Variants in SHH observed in about 807,000 individuals in gnomAD.
The protein encoded by SHH is sonic hedgehog protein.
A neutral mutation model predicts 16.6 loss-of-function variants in SHH; 3 were observed. The observed-to-expected ratio is 0.18, with a 90% CI of 0.08 to 0.47. SHH has a LOEUF of 0.47. Among genes scored for constraint, SHH ranks in the 20% least tolerant of loss-of-function variants. The pLI, the probability that SHH is intolerant of heterozygous loss-of-function variation, is 0.98. For missense variants in SHH, 499 were observed against 665.0 expected (o/e 0.75, Z 2.75); for synonymous variants, 351 against 316.2 (o/e 1.11, Z -1.17).
intron 2 of SHH, among the ~76,000 whole-genome samples, chr7:155,805,213 C>G (rs1803323084): frequency 6.6e-6 from 1 of 152,078 alleles, no homozygotes; most frequent in East Asian, 1.9e-4. Flanking sequence ...GCAGGGGGCG[C>G]CCTGGGCCCA....
In SHH at chr7:155,806,464, C is replaced by T. The variant is rs1167607952; in HGVS notation, c.394G>A (p.Gly132Ser). The change falls in exon 2 of 3, where the codon GGC becomes AGC. Residue 132 changes from glycine (G) to serine (S), a missense_variant. Physicochemically the swap from Gly to Ser is moderately conservative, Grantham distance 56. Around this residue, in one of 4 missense-constraint regions of SHH, gnomAD observed 11 missense variants for 48.5 expected, o/e 0.23. Transcript: ENST00000297261. ...LRVTEGWDEDGHHSEESLHYE... is the reference protein window; with the variant it reads ...LRVTEGWDEDSHHSEESLHYE... ...TGCAGAGACTCCTCTGAGTGGTGGCCATCTTCGTCCCAGCCCTCGGTCACC... is the reference window on the plus strand; with the variant it reads ...TGCAGAGACTCCTCTGAGTGGTGGCTATCTTCGTCCCAGCCCTCGGTCACC... The T allele has an allele frequency of 1.2e-6, 2 of 1,613,728 alleles. No individual in the cohort carries two copies. The highest frequency in any genetic ancestry group is 1.3e-5 in the African/African-American group (1 of 74,938).
rs1803464750 is a variant in SHH, at chr7:155,809,886, G to A, written c.300+1937C>T. On this transcript the variant is annotated intron_variant, in intron 1 of 2. Transcript: ENST00000297261. This position sits in a 1 kb window ranked among gnomAD's most constrained non-coding sequence, Gnocchi z 6.1. ...CCGGCTGGGACGCGGAGGCCTAGAG[G>A]CCAGGCAGGCGGCGGACTGGGGATG... Among the ~76,000 whole-genome samples the A allele has an allele frequency of 6.6e-6, 1 of 151,508 alleles. No individual in the cohort carries two copies. Among genetic ancestry groups the A allele is most frequent in the Non-Finnish European group, 1.5e-5 (1 of 67,804 alleles).
chr7:155,805,708 G>A (rs1803340312), intron 2 of SHH, among the ~76,000 whole-genome samples: 1 of 152,120 alleles, frequency 6.6e-6, no homozygotes, highest in Non-Finnish European at 1.5e-5. Flanking sequence ...GGGCGTCCCG[G>A]CCCGGCTCCC....
intron 2 of SHH, among the ~76,000 whole-genome samples, chr7:155,805,066 T>C (rs1188566859): frequency 1.3e-5 from 2 of 151,716 alleles, no homozygotes; most frequent in South Asian, 2.1e-4. Flanking sequence ...AGAATGCCAA[T>C]GAGCGGCTCC....
At chr7:155,804,720 T>C (rs958227327) in intron 2 of SHH, among the ~76,000 whole-genome samples, 25 of 152,022 alleles carry the variant, frequency 1.6e-4, no homozygotes, top group East Asian at 5.8e-4. Flanking sequence ...TCGAGCCCTC[T>C]GTCGCTCTCT....
Position 155,803,756 on chromosome 7 carries a change from G to A in SHH, c.563-30C>T, listed in dbSNP as rs760806628. ...GGGTGAGGAGAAGGGAAAGAAGAGA[G>A]GACAGGGCATTGAGTTCCGAGAGGG... On this transcript the variant is annotated intron_variant, in intron 2 of 2. Coordinates refer to ENST00000297261, the MANE Select transcript of SHH (RefSeq NM_000193.4). 3.8e-6 allele frequency: 6 copies of A among 1,566,844 alleles called. No individual in the cohort carries two copies. In the South Asian group the frequency reaches 5.5e-5, roughly 14 times the overall value.
At chr7:155,805,372 A>C (rs2117134401) in intron 2 of SHH, among the ~76,000 whole-genome samples, 1 of 152,198 alleles carries the variant, frequency 6.6e-6, no homozygotes. Context: ...CTTTACCTAC[A>C]AGTGTGCCTT....
intron 1 of SHH, among the ~76,000 whole-genome samples, chr7:155,810,150 C>G (rs532979193): frequency 6.6e-6 from 1 of 152,332 alleles, no homozygotes; most frequent in South Asian, 2.1e-4. Context: ...AGTGGGGCTG[C>G]AGGCGTCTGC....
At chr7:155,806,663 G>A (rs760649564) in intron 1 of SHH, 106 bp from the exon 2 acceptor site, 3 of 1,411,240 alleles carry the variant, frequency 2.1e-6, no homozygotes, top group African/African-American at 1.4e-5. Flanking sequence ...AGGCGCGAGG[G>A]CCATGCGGAG....
chr7:155,803,165 C>A lies in SHH; in HGVS notation c.1124G>T (p.Arg375Leu). 1 of 1,448,182 alleles carries A rather than the reference C, an allele frequency of 6.9e-7. No homozygotes were observed. The allele number at this position is 1,448,182 out of a possible 1,614,324, so 89.7% of individuals were successfully genotyped here. A position where few individuals can be genotyped will look rare whatever the true frequency, so the allele number is the denominator to read the frequency against. ...CGCCAGGCGGAAGGGCGCGAAGGCC[C>A]GGTGCGCCCAGCTGTGCTCCTCGAT... ...AVIEEHSWAH[R>L]AFAPFRLAHA... Residue 375 changes from arginine to leucine, a missense_variant, in exon 3 of 3, where the codon CGG becomes CTG. This residue lies in a region of SHH where 299 missense variants were observed against 301.1 expected (regional missense o/e 0.99). Transcript: ENST00000297261.
Position 155,800,848 on chromosome 7 carries a change from C to T in SHH, c.*2052G>A, listed in dbSNP as rs1330358424. The T allele has an allele frequency of 1.2e-5, 4 of 346,602 alleles. No homozygotes were observed. The highest frequency in any genetic ancestry group is 2.3e-5 in the Non-Finnish European group (4 of 174,616). 21.5% of individuals were successfully genotyped at this position (346,602 alleles called of 1,614,324 possible). On this transcript the variant is annotated 3_prime_UTR_variant, in exon 3 of 3. Transcript: ENST00000297261. Reference sequence around the variant, plus strand: ...GCCCAACCTCGGGAGCCAGCCCCTGCCAGGTGGGGCTGAAGTCTGTTCACT... The same window carrying T: ...GCCCAACCTCGGGAGCCAGCCCCTGTCAGGTGGGGCTGAAGTCTGTTCACT...
chr7:155,804,994 G>A (rs1803311602), intron 2 of SHH, among the ~76,000 whole-genome samples: 4 of 152,206 alleles, frequency 2.6e-5, no homozygotes, highest in Non-Finnish European at 5.9e-5. Flanking sequence ...TGGCGAGCCC[G>A]AGTCGTCGAG....
chr7:155,811,708 G>T, intron 1 of SHH, 115 bp downstream of exon 1: 1 of 1,049,174 alleles, frequency 9.5e-7, no homozygotes, highest in Non-Finnish European at 1.5e-6. Context: ...GAAGGAGCGG[G>T]TGAAATCACC....
At chr7:155,810,330 T>A (rs1303140864) in intron 1 of SHH, among the ~76,000 whole-genome samples, 2 of 152,156 alleles carry the variant, frequency 1.3e-5, no homozygotes, top group Non-Finnish European at 2.9e-5. Context: ...CCCCCGCCGC[T>A]CTCTCCGCAG....
Position 155,812,014 on chromosome 7 carries a change from T to G in SHH, c.109A>C (p.Lys37Gln), listed in dbSNP as rs982760077. The G allele has an allele frequency of 3.1e-6, 5 of 1,614,002 alleles. No individual in the cohort carries two copies. The highest frequency in any genetic ancestry group is 2.7e-5 in the African/African-American group (2 of 74,918). ...GRGFGKRRHP[K>Q]KLTPLAYKQF... is the part of the protein sequence containing the mutation. ...TTGTAGGCTAAAGGGGTCAGCTTTTTGGGGTGCCTCCTCTTCCCGAACCCC... is the reference window on the plus strand; with the variant it reads ...TTGTAGGCTAAAGGGGTCAGCTTTTGGGGGTGCCTCCTCTTCCCGAACCCC... The change falls in exon 1 of 3, where the codon AAA becomes CAA. Residue 37 changes from lysine to glutamine, a missense_variant. This residue lies in a region of SHH where 75 missense variants were observed against 115.0 expected (regional missense o/e 0.65). Transcript: ENST00000297261.
intron 2 of SHH, 43 bp from the exon 3 acceptor site, chr7:155,803,769 A>G: frequency 6.6e-7 from 1 of 1,518,708 alleles, no homozygotes; most frequent in African/African-American, 1.4e-5. Context: ...CAGGGCATTG[A>G]GTTCCGAGAG....
At chr7:155,806,040 C>T (rs1238790072) in intron 2 of SHH, among the ~76,000 whole-genome samples, 1 of 152,196 alleles carries the variant, frequency 6.6e-6, no homozygotes, top group Non-Finnish European at 1.5e-5. Context: ...GCAGTGGGGG[C>T]TCCAGAAGCG....
intron 1 of SHH, among the ~76,000 whole-genome samples, chr7:155,810,717 T>C (rs1025671864): frequency 6.6e-6 from 1 of 152,180 alleles, no homozygotes; most frequent in African/African-American, 2.4e-5. Flanking sequence ...AGGTAGCTCC[T>C]CTCTCTCTGC....
rs1195170979 is a variant in SHH, at chr7:155,802,103, AAAG to A, written c.*794_*796del. 6.7e-6 allele frequency: 1 copy of A among 150,174 alleles called. No individual in the cohort carries two copies. The highest frequency in any genetic ancestry group is 2.1e-4 in the South Asian group (1 of 4,786). 9.3% of individuals were successfully genotyped at this position (150,174 alleles called of 1,614,324 possible). A position where few individuals can be genotyped will look rare whatever the true frequency, so the allele number is the denominator to read the frequency against. On this transcript the variant is annotated 3_prime_UTR_variant, in exon 3 of 3. Coordinates refer to ENST00000297261, the MANE Select transcript of SHH (RefSeq NM_000193.4). Reference sequence around the variant, plus strand: ...AAAAAAAAAAAAAAAAAAAAAAAGAAAAGAAAAGAAAAAGAAAAGTGTGTGTGT... The same window carrying A: ...AAAAAAAAAAAAAAAAAAAAAAAGAAAAAAGAAAAAGAAAAGTGTGTGTGT...
Sources: allele counts gnomAD v4.1 joint callset (sites outside exome capture counted in the v4.1 genomes callset), GRCh38; gene constraint gnomAD v4.1.1; regional missense constraint gnomAD v4.1.1; non-coding constraint Gnocchi (gnomAD v3.1); transcripts MANE v1.5; gene names NCBI Gene and HGNC (gene_info 2026-07-23, HGNC 2026-07-21).